Variants in LRRC4C observed in about 807,000 individuals in gnomAD.
LRRC4C encodes leucine-rich repeat-containing protein 4C.
In LRRC4C, 5 loss-of-function variants were observed where a neutral mutation model predicts 33.6. The ratio of observed to expected loss-of-function variants is 0.15; its 90% CI spans 0.08 to 0.31. The LOEUF is 0.31. Among genes scored for constraint, LRRC4C ranks in the 10% least tolerant of loss-of-function variants. The probability of loss-of-function intolerance (pLI) is 1.00; values close to 1 mark genes in which losing one functional copy is unlikely to be tolerated. For synonymous variants in LRRC4C, 329 were observed against 302.0 expected, an observed-to-expected ratio of 1.09 and a Z score of -0.93; for missense variants, 560 against 796.7, an observed-to-expected ratio of 0.70 and a Z score of 3.58.
intron 2 of LRRC4C, among the ~76,000 whole-genome samples, chr11:40,763,277 G>A (rs1949310920): frequency 2.0e-5 from 3 of 151,954 alleles, no homozygotes; most frequent in Non-Finnish European, 4.4e-5. Context: ...CATCTGGTCT[G>A]TGTCTCCTAG....
intron 1 of LRRC4C, among the ~76,000 whole-genome samples, chr11:41,156,654 G>A (rs1944244599): frequency 6.6e-6 from 1 of 152,012 alleles, no homozygotes; most frequent in Non-Finnish European, 1.5e-5. Context: ...ATTATATTGT[G>A]TATTAGAAGC....
At chr11:41,090,316 CG>C (rs1940319368) in intron 1 of LRRC4C, among the ~76,000 whole-genome samples, 1 of 151,700 alleles carries the variant, frequency 6.6e-6, no homozygotes. Flanking sequence ...CATCTCACAG[CG>C]TTTATTTCTT....
At chr11:40,208,789 T>C (rs1863352100) in intron 5 of LRRC4C, among the ~76,000 whole-genome samples, 1 of 152,216 alleles carries the variant, frequency 6.6e-6, no homozygotes, top group Admixed American at 6.5e-5. Flanking sequence ...TCCCTATTGA[T>C]GTTTTCCTAG....
At chr11:40,895,121 G>A (rs1955881586) in intron 2 of LRRC4C, among the ~76,000 whole-genome samples, 1 of 151,484 alleles carries the variant, frequency 6.6e-6, no homozygotes, top group Non-Finnish European at 1.5e-5. Context: ...TGAAATAATT[G>A]TTCAAGGAAA....
chr11:41,395,275 G>T (rs1953763738), intron 1 of LRRC4C, among the ~76,000 whole-genome samples: 1 of 151,982 alleles, frequency 6.6e-6, no homozygotes, highest in Admixed American at 6.6e-5. Context: ...TGAAGCAACT[G>T]CTTTGTCAGA....
chr11:41,282,092 A>G (rs1284798459), intron 1 of LRRC4C, among the ~76,000 whole-genome samples: 1 of 152,204 alleles, frequency 6.6e-6, no homozygotes. Context: ...TGTGTTCTAA[A>G]ATATGTGTGG....
At chr11:41,002,225 T>A (rs1854432194) in intron 1 of LRRC4C, among the ~76,000 whole-genome samples, 2 of 152,174 alleles carry the variant, frequency 1.3e-5, no homozygotes, top group Non-Finnish European at 2.9e-5. Context: ...GGACTATGCA[T>A]GTAAGCAATC....
intron 3 of LRRC4C, among the ~76,000 whole-genome samples, chr11:40,647,620 T>C (rs981091111): frequency 2.0e-5 from 3 of 152,234 alleles, no homozygotes; most frequent in Non-Finnish European, 4.4e-5. Flanking sequence ...ATTTTCATGC[T>C]GTCACCACAT....
chr11:40,825,379 A>G (rs1244742303), intron 2 of LRRC4C, among the ~76,000 whole-genome samples: 1 of 151,876 alleles, frequency 6.6e-6, no homozygotes, highest in Non-Finnish European at 1.5e-5. Context: ...CTGCAGAATT[A>G]CCCAGTGAGG....
intron 1 of LRRC4C, among the ~76,000 whole-genome samples, chr11:41,199,433 C>T (rs901412615): frequency 3.3e-5 from 5 of 151,988 alleles, no homozygotes; most frequent in African/African-American, 1.2e-4. Flanking sequence ...ATTCCTCTTC[C>T]GGGCAGTCTT....
intron 1 of LRRC4C, among the ~76,000 whole-genome samples, chr11:41,358,037 T>C (rs1414555217): frequency 1.3e-5 from 2 of 152,128 alleles, no homozygotes; most frequent in Admixed American, 6.6e-5. Context: ...GATAGTGTGA[T>C]ACTGGTAAAA....
At chr11:40,998,869 C>G (rs1267370842) in intron 1 of LRRC4C, among the ~76,000 whole-genome samples, 2 of 152,030 alleles carry the variant, frequency 1.3e-5, no homozygotes, top group Non-Finnish European at 2.9e-5. Context: ...GTAATTTTCC[C>G]CAGCAACCCA....
At chr11:40,726,228 T>C (rs1947286701) in intron 2 of LRRC4C, among the ~76,000 whole-genome samples, 1 of 150,222 alleles carries the variant, frequency 6.7e-6, no homozygotes, top group Non-Finnish European at 1.5e-5. Context: ...GATGTACAAA[T>C]GAGAGCTGGT....
At chr11:41,442,681 G>A (rs527881861) in intron 1 of LRRC4C, among the ~76,000 whole-genome samples, 13 of 151,852 alleles carry the variant, frequency 8.6e-5, no homozygotes, top group Non-Finnish European at 1.3e-4. Flanking sequence ...GTGTTAGCCA[G>A]GATGGTCTCG....
intron 1 of LRRC4C, among the ~76,000 whole-genome samples, chr11:41,041,847 C>G (rs934518798): frequency 7.2e-5 from 11 of 152,182 alleles, no homozygotes; most frequent in African/African-American, 2.7e-4. Context: ...CATATAGTCA[C>G]ACAATTATGG....
At chr11:40,800,031 A>G (rs1950980712) in intron 2 of LRRC4C, among the ~76,000 whole-genome samples, 1 of 152,216 alleles carries the variant, frequency 6.6e-6, no homozygotes, top group East Asian at 1.9e-4. Flanking sequence ...GGAGAAAAAA[A>G]GAGGGAAAAA....
At chr11:41,269,382 A>T (rs899015269) in intron 1 of LRRC4C, among the ~76,000 whole-genome samples, 1 of 152,012 alleles carries the variant, frequency 6.6e-6, no homozygotes, top group African/African-American at 2.4e-5. Flanking sequence ...ACACACCCAG[A>T]CTGAGAGTTC....
chr11:40,439,040 C>A (rs1312868142), intron 3 of LRRC4C, among the ~76,000 whole-genome samples: 4 of 149,714 alleles, frequency 2.7e-5, no homozygotes, highest in Admixed American at 2.7e-4. Context: ...ACGCCATTCT[C>A]CTGCCTCAGC....
chr11:41,421,615 C>A (rs1565660066), intron 1 of LRRC4C, among the ~76,000 whole-genome samples: 1 of 151,966 alleles, frequency 6.6e-6, no homozygotes, highest in African/African-American at 2.4e-5. Context: ...AGTGAGATTT[C>A]TGGAGGGGAA....
Sources: gnomAD v4.1 joint callset for allele counts (sites outside exome capture counted in the v4.1 genomes callset) on GRCh38, gnomAD v4.1.1 for gene constraint, MANE v1.5 for transcripts, NCBI Gene and HGNC (gene_info 2026-07-23, HGNC 2026-07-21) for gene names.